Variants in AOPEP observed in about 807,000 individuals in gnomAD.
AOPEP encodes aminopeptidase O.
A neutral mutation model predicts 98.1 loss-of-function variants in AOPEP; 77 were observed. The observed-to-expected ratio is 0.78, with a 90% CI of 0.65 to 0.95. AOPEP has a LOEUF of 0.95. Ranked by LOEUF, AOPEP falls within the 40% of genes least tolerant of loss-of-function variation. The pLI is 0.00. For synonymous variants in AOPEP, 346 were observed against 365.3 expected (o/e 0.95, Z 0.60); for missense variants, 1,024 against 1,024.7 (o/e 1.00, Z 0.01).
At chr9:94,787,864 C>T (rs551727154) in intron 3 of AOPEP, among the ~76,000 whole-genome samples, 117 of 152,154 alleles carry the variant, frequency 7.7e-4, no homozygotes, top group African/African-American at 2.7e-3. Flanking sequence ...CCACTTTTAC[C>T]TCTTTCGGCT....
chr9:94,811,595 C>T (rs2133981889), intron 5 of AOPEP, among the ~76,000 whole-genome samples: 1 of 152,292 alleles, frequency 6.6e-6, no homozygotes, highest in Admixed American at 6.5e-5. Context: ...CCTTGCAGAG[C>T]TGTAAGCAAC....
intron 5 of AOPEP, among the ~76,000 whole-genome samples, chr9:94,899,179 C>CTT (rs1164742981): frequency 0.44 from 26,556 of 59,744 alleles, 8,422 homozygotes; most frequent in East Asian, 0.61. Context: ...TCTTCATTTG[C>CTT]TTTTTTTTTT....
chr9:95,025,032 T>A lies in AOPEP; in HGVS notation c.2115+19416T>A, dbSNP rs558080552. Among the ~76,000 whole-genome samples, 11 of 152,374 alleles carry A rather than the reference T, an allele frequency of 7.2e-5. No homozygotes were observed. In the South Asian group the frequency reaches 2.3e-3, roughly 32 times the overall value. ...GGGTACATGTGATTTAGTACCATCA[T>A]ATAATTTATAAAAATCAAATCATTA... On this transcript the variant is annotated intron_variant, in intron 13 of 16. Transcript: ENST00000375315.
At chr9:94,808,123 A>G (rs939679102) in intron 5 of AOPEP, among the ~76,000 whole-genome samples, 2 of 147,606 alleles carry the variant, frequency 1.4e-5, no homozygotes, top group African/African-American at 5.1e-5. Context: ...GCTCACTGCC[A>G]CCTATGCCTC....
chr9:94,736,522 T>C (rs1831818430), intron 1 of AOPEP, among the ~76,000 whole-genome samples: 1 of 152,196 alleles, frequency 6.6e-6, no homozygotes, highest in Admixed American at 6.5e-5. Context: ...TCTATTAATC[T>C]AGATCCTCTT....
intron 5 of AOPEP, among the ~76,000 whole-genome samples, chr9:94,892,647 A>G (rs550705990): frequency 6.6e-6 from 1 of 152,342 alleles, no homozygotes; most frequent in South Asian, 2.1e-4. Flanking sequence ...ACTTCTGTGT[A>G]GAGTGAAGGT....
intron 14 of AOPEP, among the ~76,000 whole-genome samples, chr9:95,068,046 G>A (rs1043149342): frequency 4.6e-5 from 7 of 152,110 alleles, no homozygotes; most frequent in African/African-American, 1.7e-4. Flanking sequence ...AATATTTTGA[G>A]TCATATGGAT....
the AOPEP span, chr9:95,110,235 A>G: frequency 1.0e-6 from 1 of 1,002,580 alleles, no homozygotes; most frequent in East Asian, 7.1e-5. Context: ...ATTAAGTGTT[A>G]TTGAATAATT....
intron 5 of AOPEP, chr9:94,904,427 A>C (rs1422164776): frequency 6.6e-6 from 1 of 152,204 alleles, no homozygotes; most frequent in African/African-American, 2.4e-5. Flanking sequence ...CACCCTGCAG[A>C]TAGAGCTCTG....
chr9:95,062,436 A>C (rs905715101), intron 14 of AOPEP, among the ~76,000 whole-genome samples: 8 of 152,178 alleles, frequency 5.3e-5, no homozygotes, highest in Non-Finnish European at 1.2e-4. Context: ...CCTGCTCCTC[A>C]TGGCAAAGTG....
At chr9:94,901,266 A>C (rs933632965) in intron 5 of AOPEP, among the ~76,000 whole-genome samples, 1 of 152,214 alleles carries the variant, frequency 6.6e-6, no homozygotes, top group Admixed American at 6.5e-5. Flanking sequence ...AGAGTATTCA[A>C]GTTTGCTCAA....
chr9:95,060,045 G>A (rs1221227335), intron 13 of AOPEP, among the ~76,000 whole-genome samples: 2 of 152,116 alleles, frequency 1.3e-5, no homozygotes, highest in Non-Finnish European at 2.9e-5. Flanking sequence ...CCCTTAACTT[G>A]TAACACCACT....
intron 13 of AOPEP, among the ~76,000 whole-genome samples, chr9:95,026,961 CAT>C (rs2063890453): frequency 6.6e-6 from 1 of 152,272 alleles, no homozygotes; most frequent in African/African-American, 2.4e-5. Context: ...ATTGTTAACA[CAT>C]GTTAATTAAA....
chr9:95,099,442 C>T, the AOPEP span: 12 of 226,744 alleles, frequency 5.3e-5, no homozygotes, highest in South Asian at 1.9e-4. Context: ...GCCGCGTCCC[C>T]GCCCAGCATC....
intron 13 of AOPEP, among the ~76,000 whole-genome samples, chr9:95,057,482 T>C (rs2066927291): frequency 6.6e-6 from 1 of 152,250 alleles, no homozygotes; most frequent in Non-Finnish European, 1.5e-5. Context: ...AACATTTTGG[T>C]TTATTACATG....
At chr9:94,771,686 T>C (rs1840921773) in intron 2 of AOPEP, among the ~76,000 whole-genome samples, 1 of 152,058 alleles carries the variant, frequency 6.6e-6, no homozygotes, top group Non-Finnish European at 1.5e-5. Flanking sequence ...CCTCCTCCTG[T>C]TTTCCTTTGG....
intron 16 of AOPEP, 148 bp from the exon 17 acceptor site, chr9:95,086,534 C>G (rs747999432): frequency 1.1e-5 from 11 of 1,011,384 alleles, no homozygotes; most frequent in African/African-American, 1.7e-5. Context: ...TGACCCGTCC[C>G]GGAGACTGAA....
intron 13 of AOPEP, among the ~76,000 whole-genome samples, chr9:95,033,928 A>G (rs1420922996): frequency 6.6e-6 from 1 of 152,214 alleles, no homozygotes; most frequent in African/African-American, 2.4e-5. Context: ...ATAAATTTAT[A>G]TCAAATTATA....
At chr9:95,086,506 G>A in intron 16 of AOPEP, 176 bp from the exon 17 acceptor site, 3 of 985,412 alleles carry the variant, frequency 3.0e-6, no homozygotes, top group Non-Finnish European at 3.6e-6. Flanking sequence ...GAGCAGGCCA[G>A]CGTCACACGG....
Sources: gnomAD v4.1 joint callset for allele counts (sites outside exome capture counted in the v4.1 genomes callset) on GRCh38, gnomAD v4.1.1 for gene constraint, MANE v1.5 for transcripts, NCBI Gene and HGNC (gene_info 2026-07-23, HGNC 2026-07-21) for gene names.